Variants in RARB observed in about 807,000 individuals in gnomAD.
The protein encoded by RARB is retinoic acid receptor beta.
A neutral mutation model predicts 51.9 loss-of-function variants in RARB; 17 were observed. That is an observed-to-expected ratio of 0.33 (90% CI 0.22 to 0.49). The LOEUF (loss-of-function observed/expected upper bound fraction) is 0.49. Among genes scored for constraint, RARB ranks in the 20% least tolerant of loss-of-function variants. RARB has a pLI of 0.99. For synonymous variants in RARB, 215 were observed against 195.4 expected (o/e 1.10, Z -0.84); for missense variants, 369 against 550.8 (o/e 0.67, Z 3.30).
At chr3:25,073,715 G>A (rs1698816272) in intron 3 of RARB, among the ~76,000 whole-genome samples, 1 of 152,284 alleles carries the variant, frequency 6.6e-6, no homozygotes, top group African/African-American at 2.4e-5. Flanking sequence ...TAGGGGAACA[G>A]TAGATGTTGA....
intron 3 of RARB, among the ~76,000 whole-genome samples, chr3:25,114,401 G>C (rs575657684): frequency 6.6e-6 from 1 of 152,022 alleles, no homozygotes; most frequent in Admixed American, 6.6e-5. Flanking sequence ...TCACTAGTTT[G>C]AAGATGCTCT....
intron 3 of RARB, among the ~76,000 whole-genome samples, chr3:25,120,831 G>T (rs1212024769): frequency 6.6e-6 from 1 of 152,078 alleles, no homozygotes; most frequent in Non-Finnish European, 1.5e-5. Flanking sequence ...GCCGAATCTA[G>T]CTGGCTGCCA....
intron 2 of RARB, among the ~76,000 whole-genome samples, chr3:24,871,039 A>G (rs1263035662): frequency 6.6e-6 from 1 of 151,906 alleles, no homozygotes; most frequent in Non-Finnish European, 1.5e-5. Flanking sequence ...GGTAACCATC[A>G]TTCTACTCTA....
intron 5 of RARB, among the ~76,000 whole-genome samples, chr3:25,243,291 A>G (rs1702476326): frequency 6.6e-6 from 1 of 152,086 alleles, no homozygotes; most frequent in African/African-American, 2.4e-5. Context: ...CTGTTTGAAT[A>G]CCCTTTATTT....
At chr3:24,910,388 T>G (rs1425505549) in intron 2 of RARB, among the ~76,000 whole-genome samples, 5 of 152,164 alleles carry the variant, frequency 3.3e-5, no homozygotes, top group Non-Finnish European at 5.9e-5. Context: ...ATAATGAAAT[T>G]TATCATCTCA....
intron 1 of RARB, among the ~76,000 whole-genome samples, chr3:25,443,160 A>G (rs2125531862): frequency 6.6e-6 from 1 of 152,290 alleles, no homozygotes; most frequent in South Asian, 2.1e-4. Context: ...ATCTCAAGTG[A>G]GCTAATATTT....
intron 3 of RARB, among the ~76,000 whole-genome samples, chr3:25,076,650 T>A (rs1436987663): frequency 6.6e-6 from 1 of 152,210 alleles, no homozygotes; most frequent in Non-Finnish European, 1.5e-5. Context: ...GAGTAAGTCT[T>A]ATGATTAAGC....
chr3:24,905,477 GCTGA>G (rs1323864254), intron 2 of RARB, among the ~76,000 whole-genome samples: 1 of 152,136 alleles, frequency 6.6e-6, no homozygotes, highest in African/African-American at 2.4e-5. Flanking sequence ...TTATTGATGG[GCTGA>G]CTCATTCCTC....
At chr3:25,275,604 A>G (rs1447959309) in intron 5 of RARB, among the ~76,000 whole-genome samples, 1 of 152,200 alleles carries the variant, frequency 6.6e-6, no homozygotes, top group Non-Finnish European at 1.5e-5. Flanking sequence ...TTCAAGAACT[A>G]TCTGTCCTAT....
intron 5 of RARB, among the ~76,000 whole-genome samples, chr3:25,590,930 C>T (rs1457852477): frequency 6.6e-6 from 1 of 152,212 alleles, no homozygotes; most frequent in Non-Finnish European, 1.5e-5. Flanking sequence ...TTGGGCACCA[C>T]ACTTTACTTC....
At chr3:25,331,984 G>T (rs553114426) in intron 5 of RARB, among the ~76,000 whole-genome samples, 1 of 152,308 alleles carries the variant, frequency 6.6e-6, no homozygotes, top group Admixed American at 6.5e-5. Flanking sequence ...GGAAGAATTT[G>T]AGTCCCTGAA....
intron 4 of RARB, among the ~76,000 whole-genome samples, chr3:25,172,180 C>G (rs1258094709): frequency 6.6e-6 from 1 of 152,124 alleles, no homozygotes. Flanking sequence ...ATTCAAGGCC[C>G]TGGGGCAGAT....
chr3:25,313,194 A>G (rs1313480896), intron 5 of RARB, among the ~76,000 whole-genome samples: 1 of 152,164 alleles, frequency 6.6e-6, no homozygotes, highest in Non-Finnish European at 1.5e-5. Flanking sequence ...TCTTATGGGA[A>G]TAGGAAGACC....
At chr3:25,591,270 A>T (rs1178967128) in intron 5 of RARB, among the ~76,000 whole-genome samples, 1 of 152,188 alleles carries the variant, frequency 6.6e-6, no homozygotes. Flanking sequence ...TGATTTAGAT[A>T]TCTCTCTACC....
At chr3:25,207,345 C>A (rs1701576427) in intron 5 of RARB, among the ~76,000 whole-genome samples, 2 of 152,140 alleles carry the variant, frequency 1.3e-5, no homozygotes, top group Admixed American at 1.3e-4. Flanking sequence ...ATGACATTAT[C>A]TTAACAATGA....
chr3:25,289,363 A>G (rs1353288486), intron 5 of RARB, among the ~76,000 whole-genome samples: 1 of 152,228 alleles, frequency 6.6e-6, no homozygotes, highest in Admixed American at 6.5e-5. Flanking sequence ...GCTATCCAAG[A>G]GACAGAGTAT....
intron 4 of RARB, among the ~76,000 whole-genome samples, chr3:25,136,941 G>T (rs148182868): frequency 7.9e-4 from 120 of 152,066 alleles, no homozygotes; most frequent in African/African-American, 2.8e-3. Flanking sequence ...GCACAGATTT[G>T]TTGGGAGCCC....
intron 2 of RARB, among the ~76,000 whole-genome samples, chr3:25,006,490 A>G (rs1291580547): frequency 2.6e-5 from 4 of 152,128 alleles, no homozygotes; most frequent in Non-Finnish European, 5.9e-5. Context: ...TATTTAAAGT[A>G]CTTTTTTGGC....
intron 5 of RARB, among the ~76,000 whole-genome samples, chr3:25,354,467 G>T (rs56835742): frequency 6.6e-6 from 1 of 152,002 alleles, no homozygotes; most frequent in African/African-American, 2.4e-5. Context: ...AGAAGTGTAC[G>T]CTACTCATTT....
Sources: gnomAD v4.1 joint callset for allele counts (sites outside exome capture counted in the v4.1 genomes callset) on GRCh38, gnomAD v4.1.1 for gene constraint, MANE v1.5 for transcripts, NCBI Gene and HGNC (gene_info 2026-07-23, HGNC 2026-07-21) for gene names.